RANBP2: variants seen among roughly 807,000 people sequenced by gnomAD.
The protein encoded by RANBP2 is RAN binding protein 2.
In RANBP2, 57 loss-of-function variants were observed where a neutral mutation model predicts 303.6. The observed-to-expected ratio is 0.19, with a 90% CI of 0.15 to 0.23. The LOEUF is 0.23. RANBP2 is among the 10% of genes least tolerant of loss of function. RANBP2 has a pLI of 1.00. For missense variants in RANBP2, 3,138 were observed against 3,780.8 expected (o/e 0.83, Z 4.46); for synonymous variants, 1,167 against 1,301.5 (o/e 0.90, Z 2.23).
chr2:109,418,181 C>T, the RANBP2 span, among the ~76,000 whole-genome samples: 1 of 152,060 alleles, frequency 6.6e-6, no homozygotes, highest in Admixed American at 6.5e-5. Context: ...CTGCTGGGAC[C>T]CCTATTCTGC....
the RANBP2 span, among the ~76,000 whole-genome samples, chr2:109,516,658 C>T: frequency 1.3e-5 from 2 of 152,126 alleles, no homozygotes; most frequent in African/African-American, 4.8e-5. Flanking sequence ...CGTGTCTGGC[C>T]TCTCGCAGGA....
the RANBP2 span, among the ~76,000 whole-genome samples, chr2:109,479,062 G>A: frequency 6.6e-6 from 1 of 152,180 alleles, no homozygotes; most frequent in Non-Finnish European, 1.5e-5. Context: ...GTTGACTGCT[G>A]GCTGGAACCT....
At chr2:109,322,126 G>C in the RANBP2 span, among the ~76,000 whole-genome samples, 3 of 152,280 alleles carry the variant, frequency 2.0e-5, no homozygotes, top group South Asian at 2.1e-4. Flanking sequence ...GGAAAAAGAA[G>C]GGTAAGGAGT....
the RANBP2 span, among the ~76,000 whole-genome samples, chr2:109,527,659 G>A: frequency 1.5e-3 from 225 of 152,212 alleles, no homozygotes; most frequent in African/African-American, 4.6e-3. Flanking sequence ...TGTTAATGTC[G>A]GGGGAGTGGC....
chr2:109,582,808 T>C, the RANBP2 span, among the ~76,000 whole-genome samples: 2 of 152,182 alleles, frequency 1.3e-5, no homozygotes, highest in African/African-American at 4.8e-5. Context: ...CAAGACAGCA[T>C]GGTTGTGGTA....
At chr2:109,509,477 CCTCA>C in the RANBP2 span, among the ~76,000 whole-genome samples, 1 of 152,094 alleles carries the variant, frequency 6.6e-6, no homozygotes, top group Non-Finnish European at 1.5e-5. Context: ...ACCGCCGTCT[CCTCA>C]CTCTGTCAAG....
At chr2:109,412,362 T>TGTGGCCCCAGC in the RANBP2 span, among the ~76,000 whole-genome samples, 1 of 152,216 alleles carries the variant, frequency 6.6e-6, no homozygotes, top group Admixed American at 6.5e-5. Context: ...ACCCTCCCAG[T>TGTGGCCCCAGC]GTGGCCCCAG....
the RANBP2 span, among the ~76,000 whole-genome samples, chr2:109,715,352 C>A: frequency 6.6e-6 from 1 of 152,146 alleles, no homozygotes; most frequent in Non-Finnish European, 1.5e-5. Context: ...AAGCAATCTG[C>A]CTGCCTCAAG....
chr2:108,775,876 A>G lies in RANBP2; in HGVS notation c.8437A>G (p.Met2813Val), dbSNP rs933426848. 4 of 1,613,218 alleles carry G rather than the reference A, an allele frequency of 2.5e-6. No homozygotes were observed. The highest frequency in any genetic ancestry group is 1.3e-5 in the African/African-American group (1 of 74,930). ...ISSPSVSSET[M>V]DKPVDLSTRK... ...TTCACCATCTGTTTCCTCTGAAACT[A>G]TGGACAAACCTGTAGATTTGTCAAC... The change falls in exon 24 of 29, where the codon ATG (methionine) becomes GTG (valine). Residue 2813 changes from methionine to valine, a missense_variant. Met to Val is a conservative substitution (Grantham distance 21). Around this residue, in one of 20 missense-constraint regions of RANBP2, gnomAD observed 497 missense variants for 465.8 expected, o/e 1.07. Transcript: ENST00000283195.
the RANBP2 span, among the ~76,000 whole-genome samples, chr2:108,917,683 C>G: frequency 4.6e-3 from 700 of 152,198 alleles, 6 homozygotes; most frequent in African/African-American, 0.016. Flanking sequence ...CTTGCCATCC[C>G]TGGCTGCAGG....
At chr2:109,316,047 A>C in the RANBP2 span, among the ~76,000 whole-genome samples, 1 of 152,316 alleles carries the variant, frequency 6.6e-6, no homozygotes, top group African/African-American at 2.4e-5. Context: ...GATTCCCAGT[A>C]TTTAGAGATT....
chr2:109,593,274 T>C, the RANBP2 span, among the ~76,000 whole-genome samples: 1 of 152,210 alleles, frequency 6.6e-6, no homozygotes, highest in African/African-American at 2.4e-5. Flanking sequence ...GTGTTTGAAA[T>C]TGTGGCTTTC....
chr2:108,720,080 G>C (rs1694110588), intron 1 of RANBP2: 3 of 984,452 alleles, frequency 3.0e-6, no homozygotes, highest in Non-Finnish European at 3.6e-6. Context: ...TACTTTATAT[G>C]CTGCGGCGGA....
chr2:108,879,677 T>C, the RANBP2 span, among the ~76,000 whole-genome samples: 2 of 152,198 alleles, frequency 1.3e-5, no homozygotes, highest in African/African-American at 2.4e-5. Flanking sequence ...GATGGGTCTT[T>C]TAATTGTTAC....
chr2:109,733,146 C>T, the RANBP2 span: 1 of 508,002 alleles, frequency 2.0e-6, no homozygotes, highest in East Asian at 5.4e-5. Flanking sequence ...CCACCTGATC[C>T]TTCTCTAGGT....
chr2:109,456,749 C>T, the RANBP2 span, among the ~76,000 whole-genome samples: 2 of 152,184 alleles, frequency 1.3e-5, no homozygotes, highest in Admixed American at 6.5e-5. Context: ...TCCAGAGAGG[C>T]AAGGTGACCT....
chr2:108,918,683 T>A, the RANBP2 span, among the ~76,000 whole-genome samples: 1 of 152,192 alleles, frequency 6.6e-6, no homozygotes, highest in African/African-American at 2.4e-5. Flanking sequence ...TCCCCAGGAA[T>A]GCTCAGTGAG....
At chr2:109,310,003 T>C in the RANBP2 span, among the ~76,000 whole-genome samples, 5 of 125,652 alleles carry the variant, frequency 4.0e-5, 1 homozygote, top group Admixed American at 7.9e-5. Flanking sequence ...AATAGACATC[T>C]ACAGAACTCT....
the RANBP2 span, among the ~76,000 whole-genome samples, chr2:108,926,791 G>T: frequency 3.9e-5 from 6 of 152,228 alleles, no homozygotes; most frequent in African/African-American, 1.4e-4. Context: ...GCAGGGGCCT[G>T]GGCCCAGGAG....
Sources: gnomAD v4.1 joint callset for allele counts (sites outside exome capture counted in the v4.1 genomes callset) on GRCh38, gnomAD v4.1.1 for gene constraint, gnomAD v4.1.1 regional missense constraint, MANE v1.5 for transcripts, NCBI Gene and HGNC (gene_info 2026-07-23, HGNC 2026-07-21) for gene names.